AXL: variants seen among roughly 807,000 people sequenced by gnomAD.
The protein encoded by AXL is tyrosine-protein kinase receptor UFO.
In AXL, 52 loss-of-function variants were observed where a neutral mutation model predicts 104.5. That is an observed-to-expected ratio of 0.50 (90% CI 0.40 to 0.63). AXL has a LOEUF of 0.63. AXL is among the 20% of genes least tolerant of loss of function. The probability of loss-of-function intolerance (pLI) is 0.00; values close to 1 mark genes in which losing one functional copy is unlikely to be tolerated. For missense variants in AXL, 1,024 were observed against 1,188.5 expected, an observed-to-expected ratio of 0.86 and a Z score of 2.04; for synonymous variants, 455 against 473.7, an observed-to-expected ratio of 0.96 and a Z score of 0.51.
intron 2 of AXL, 78 bp downstream of exon 2, chr19:41,220,936 A>G (rs1486511633): frequency 1.3e-6 from 2 of 1,513,580 alleles, no homozygotes; most frequent in African/African-American, 1.4e-5. Context: ...TGGGAACCCC[A>G]GTTTGACCAC....
intron 4 of AXL, among the ~76,000 whole-genome samples, chr19:41,228,199 G>A (rs1391116802): frequency 6.6e-6 from 1 of 152,014 alleles, no homozygotes; most frequent in Non-Finnish European, 1.5e-5. Flanking sequence ...GTGCACGCTG[G>A]TCATACCAAC....
chr19:41,236,157 C>A (rs917725761), intron 6 of AXL, among the ~76,000 whole-genome samples: 1 of 150,744 alleles, frequency 6.6e-6, no homozygotes, highest in Non-Finnish European at 1.5e-5. Flanking sequence ...ATGATGAAAC[C>A]TCGTCTCTAC....
At chr19:41,221,815 G>T in intron 3 of AXL, 65 bp from the exon 4 acceptor site, 1 of 1,549,398 alleles carries the variant, frequency 6.5e-7, no homozygotes. Flanking sequence ...CAGCATCCTA[G>T]TGGTGAGTCA....
At chr19:41,255,554 C>T (rs2034439810) in intron 17 of AXL, among the ~76,000 whole-genome samples, 1 of 152,002 alleles carries the variant, frequency 6.6e-6, no homozygotes. Flanking sequence ...ATCCTTCTGC[C>T]TCAGCCTCCT....
intron 17 of AXL, 34 bp from the exon 18 acceptor site, chr19:41,256,418 G>A: frequency 1.3e-6 from 2 of 1,596,566 alleles, no homozygotes; most frequent in Non-Finnish European, 8.6e-7. Flanking sequence ...GGTGACTGAT[G>A]CCCTGACCCT....
intron 14 of AXL, among the ~76,000 whole-genome samples, chr19:41,250,676 C>T (rs1003895196): frequency 6.6e-6 from 1 of 152,166 alleles, no homozygotes; most frequent in African/African-American, 2.4e-5. Flanking sequence ...CTCTTGACCT[C>T]ATGATCCACC....
chr19:41,256,653 A>G, intron 18 of AXL, 42 bp downstream of exon 18: 1 of 1,604,924 alleles, frequency 6.2e-7, no homozygotes, highest in Non-Finnish European at 8.5e-7. Flanking sequence ...ATGGGAGGGC[A>G]TGGCCTGACC....
Position 41,243,606 on chromosome 19 carries a change from TC to T in AXL, c.1446-3del, listed in dbSNP as rs776214311. ...TTTCCCTGCCCTCACCTACTCCCCC[TC>T]CCCCCCAGAGAAGTGTTTGAACCAA... is the stretch of plus-strand genomic sequence containing the variant. On this transcript the variant is annotated splice_polypyrimidine_tract_variant and intron_variant, in intron 11 of 19. Coordinates refer to ENST00000301178, the MANE Select transcript of AXL (RefSeq NM_021913.5). 1.9e-6 allele frequency: 3 copies of T among 1,606,458 alleles called. No homozygotes were observed. Among genetic ancestry groups the T allele is most frequent in the Non-Finnish European group, 2.6e-6 (3 of 1,173,916 alleles).
chr19:41,249,167 T>C (rs1444110558), intron 14 of AXL, among the ~76,000 whole-genome samples: 1 of 152,058 alleles, frequency 6.6e-6, no homozygotes, highest in Non-Finnish European at 1.5e-5. Flanking sequence ...GAGGCTGCTC[T>C]GTGGGAGCTA....
chr19:41,230,898 C>G (rs780321198), intron 4 of AXL, 69 bp from the exon 5 acceptor site: 4 of 1,529,422 alleles, frequency 2.6e-6, no homozygotes, highest in Non-Finnish European at 3.6e-6. Flanking sequence ...GTAGGAGTGG[C>G]CCGGCATGGC....
At chr19:41,259,483 C>T in intron 19 of AXL, 70 bp from the exon 20 acceptor site, 2 of 1,378,350 alleles carry the variant, frequency 1.5e-6, no homozygotes, top group Non-Finnish European at 2.0e-6. Flanking sequence ...CCTAAAATGT[C>T]CCCAGGCTTC....
At chr19:41,219,885 G>T (rs1709121) in intron 1 of AXL, among the ~76,000 whole-genome samples, 1 of 151,152 alleles carries the variant, frequency 6.6e-6, no homozygotes, top group Admixed American at 6.6e-5. Context: ...GGGGGAAAAC[G>T]CTTCTCCCTG....
intron 6 of AXL, among the ~76,000 whole-genome samples, chr19:41,234,811 T>C (rs2034051020): frequency 6.6e-6 from 1 of 152,142 alleles, no homozygotes; most frequent in Admixed American, 6.5e-5. Flanking sequence ...CTTCCTGACA[T>C]ACTGTGTGGC....
At position 41,257,478 on chromosome 19, in the gene AXL, C is replaced by T. The variant is rs377541452; in HGVS notation, c.2197-15C>T. 16 of 1,614,140 alleles carry T rather than the reference C, an allele frequency of 9.9e-6. 1 individual carries two copies. The African/African-American group carries it at 1.3e-4, about 13-fold the overall frequency. On this transcript the variant is annotated splice_polypyrimidine_tract_variant and intron_variant, in intron 18 of 19. Coordinates refer to ENST00000301178, the MANE Select transcript of AXL (RefSeq NM_021913.5). ...TGTGCAGGAGAGACTGTCTAATTCC[C>T]TCTGCCCCTCACAGTGGTCCTTCGG...
At chr19:41,230,618 G>A (rs574351144) in intron 4 of AXL, among the ~76,000 whole-genome samples, 2 of 150,520 alleles carry the variant, frequency 1.3e-5, no homozygotes, top group Non-Finnish European at 3.0e-5. Flanking sequence ...GTGTGAGTAT[G>A]TGTGTCTATG....
chr19:41,257,611 C>A lies in AXL; in HGVS notation c.2315C>A (p.Ala772Glu). 3 of 1,614,172 alleles carry A rather than the reference C, an allele frequency of 1.9e-6. No homozygotes were observed. The highest frequency in any genetic ancestry group is 2.5e-6 in the Non-Finnish European group (3 of 1,180,014). The change falls in exon 19 of 20, where the codon GCG (alanine) becomes GAG (glutamate). Residue 772 changes from alanine to glutamate, a missense_variant. Ala to Glu is a moderately radical substitution (Grantham distance 107). This residue lies in a region of AXL where 523 missense variants were observed against 636.0 expected (regional missense o/e 0.82). Coordinates refer to ENST00000301178, the MANE Select transcript of AXL (RefSeq NM_021913.5). ...CAGGGAAATCGCCTGAAGCAGCCTG[C>A]GGACTGTCTGGATGGACTGTGAGGA... ...LRQGNRLKQP[A>E]DCLDGLYALM... is the part of the protein sequence containing the mutation.
At chr19:41,243,884 G>A (rs530589937) in intron 12 of AXL, 177 bp downstream of exon 12, 2 of 595,104 alleles carry the variant, frequency 3.4e-6, no homozygotes, top group South Asian at 2.1e-5. Flanking sequence ...GAACTTTCAA[G>A]GAATAGAATC....
At chr19:41,252,704 T>C in intron 15 of AXL, 142 bp from the exon 16 acceptor site, 1 of 1,451,318 alleles carries the variant, frequency 6.9e-7, no homozygotes, top group Non-Finnish European at 9.3e-7. Context: ...TGCAGCTTGG[T>C]CCTTGCCACT....
rs964426957 is a variant in AXL, at chr19:41,260,033, A to G, written c.*129A>G. On this transcript the variant is annotated 3_prime_UTR_variant, in exon 20 of 20. Coordinates refer to ENST00000301178, the MANE Select transcript of AXL (RefSeq NM_021913.5). ...GCAGCCCTGTCTTCCTACCTATCCC[A>G]CCTCCATCCCAGACAGGTCCCTCCC... 5.0e-6 allele frequency: 4 copies of G among 795,780 alleles called. No individual in the cohort carries two copies. The African/African-American group carries it at 5.3e-5, about 11-fold the overall frequency. 49.3% of individuals were successfully genotyped at this position (795,780 alleles called of 1,614,324 possible).
Sources: gnomAD v4.1 joint callset for allele counts (sites outside exome capture counted in the v4.1 genomes callset) on GRCh38, gnomAD v4.1.1 for gene constraint, gnomAD v4.1.1 regional missense constraint, MANE v1.5 for transcripts, NCBI Gene and HGNC (gene_info 2026-07-23, HGNC 2026-07-21) for gene names.